Variants in DENND6A observed in about 807,000 individuals in gnomAD.
The protein encoded by DENND6A is protein DENND6A.
In DENND6A, 43 loss-of-function variants were observed where a neutral mutation model predicts 95.5. The observed-to-expected ratio is 0.45, with a 90% CI of 0.35 to 0.58. The LOEUF (loss-of-function observed/expected upper bound fraction) is 0.58, where lower values mean the gene tolerates loss of function less well. Among genes scored for constraint, DENND6A ranks in the 20% least tolerant of loss-of-function variants. The probability of loss-of-function intolerance (pLI) is 0.00; values close to 1 mark genes in which losing one functional copy is unlikely to be tolerated. For missense variants in DENND6A, 574 were observed against 736.0 expected, an observed-to-expected ratio of 0.78 and a Z score of 2.55; for synonymous variants, 257 against 260.4, an observed-to-expected ratio of 0.99 and a Z score of 0.13.
At chr3:57,639,905 A>G (rs1278471688) in intron 12 of DENND6A, among the ~76,000 whole-genome samples, 1 of 152,200 alleles carries the variant, frequency 6.6e-6, no homozygotes, top group East Asian at 1.9e-4. Context: ...ACCAGAAGGA[A>G]TATCTTGTAA....
chr3:57,641,822 CT>C lies in DENND6A; in HGVS notation c.1038-76del, dbSNP rs1033659966. 4.6e-4 allele frequency: 554 copies of C among 1,210,060 alleles called. 1 individual carries two copies. Among genetic ancestry groups the C allele is most frequent in the South Asian group, 8.6e-4 (62 of 71,984 alleles). The allele number at this position is 1,210,060 out of a possible 1,614,324, so 75.0% of individuals were successfully genotyped here. A position where few individuals can be genotyped will look rare whatever the true frequency, so the allele number is the denominator to read the frequency against. On this transcript the variant is annotated intron_variant, in intron 11 of 19. Transcript: ENST00000311128. The stretch of plus-strand genomic sequence containing the variant: ...TGCTAAATCAGTGAAGAATAGTTTA[CT>C]TTTTTTTTCAATGAACAATACACAG...
intron 6 of DENND6A, among the ~76,000 whole-genome samples, 181 bp from the exon 7 acceptor site, chr3:57,661,020 T>C (rs1173410407): frequency 6.6e-6 from 1 of 152,146 alleles, no homozygotes; most frequent in African/African-American, 2.4e-5. Flanking sequence ...CACTCAGAAA[T>C]ACACATGTTC....
intron 7 of DENND6A, 101 bp from the exon 8 acceptor site, chr3:57,659,281 G>C (rs2071382284): frequency 4.0e-6 from 5 of 1,258,458 alleles, no homozygotes; most frequent in Non-Finnish European, 5.7e-6. Flanking sequence ...TGCCAAAAAA[G>C]CTACAAAAAC....
Position 57,672,238 on chromosome 3 carries a change from T to C in DENND6A, c.319+18A>G, listed in dbSNP as rs370394593. 4 of 1,597,710 alleles carry C rather than the reference T, an allele frequency of 2.5e-6. No individual in the cohort carries two copies. The South Asian group carries it at 3.4e-5, about 14-fold the overall frequency. The stretch of plus-strand genomic sequence containing the variant: ...TTAGTATAAAATTAAACAGAAACAC[T>C]GTATGAAAAACAGTTACCTGAATTT... On this transcript the variant is annotated intron_variant, in intron 3 of 19. Transcript: ENST00000311128.
At chr3:57,655,398 T>C (rs2071304695) in intron 9 of DENND6A, among the ~76,000 whole-genome samples, 1 of 152,214 alleles carries the variant, frequency 6.6e-6, no homozygotes, top group Admixed American at 6.5e-5. Flanking sequence ...ATGTAATTCA[T>C]ATCCAGGAGA....
intron 9 of DENND6A, among the ~76,000 whole-genome samples, chr3:57,651,991 A>G (rs2071219199): frequency 6.6e-6 from 1 of 152,152 alleles, no homozygotes; most frequent in African/African-American, 2.4e-5. Context: ...TTGAGGCAAG[A>G]GTTTAAGACT....
At chr3:57,646,270 C>G in intron 10 of DENND6A, 46 bp downstream of exon 10, 1 of 1,581,426 alleles carries the variant, frequency 6.3e-7, no homozygotes, top group Non-Finnish European at 8.6e-7. Context: ...TTAAGTACTG[C>G]AGCATCCAAA....
At chr3:57,678,020 A>T (rs1269982106) in intron 1 of DENND6A, among the ~76,000 whole-genome samples, 4 of 152,158 alleles carry the variant, frequency 2.6e-5, no homozygotes, top group Non-Finnish European at 5.9e-5. Context: ...TTTTTGTCAA[A>T]ATCACTAACT....
Position 57,659,022 on chromosome 3 carries a change from T to C in DENND6A, c.762+96A>G, listed in dbSNP as rs1289978864. On this transcript the variant is annotated intron_variant, in intron 8 of 19. Transcript: ENST00000311128. ...GACATTTCAGTAATATTCAGAAATA[T>C]GTAATAAACTCAAGAAACTCTGCAT... 70 of 1,100,424 alleles carry C rather than the reference T, an allele frequency of 6.4e-5. No individual in the cohort carries two copies. In the African/African-American group the frequency reaches 9.1e-4, roughly 14 times the overall value. The allele number at this position is 1,100,424 out of a possible 1,614,324, so 68.2% of individuals were successfully genotyped here.
intron 11 of DENND6A, among the ~76,000 whole-genome samples, chr3:57,642,013 G>A (rs9829851): frequency 0.39 from 58,687 of 151,958 alleles, 12,666 homozygotes; most frequent in South Asian, 0.56. Context: ...AGTGAAGGTG[G>A]TTTAAAATGC....
At chr3:57,672,603 C>T (rs1460742268) in intron 1 of DENND6A, among the ~76,000 whole-genome samples, 165 bp from the exon 2 acceptor site, 15 of 152,020 alleles carry the variant, frequency 9.9e-5, no homozygotes, top group African/African-American at 3.4e-4. Context: ...GCCAACATGC[C>T]GAAACCCCGT....
intron 1 of DENND6A, among the ~76,000 whole-genome samples, chr3:57,683,799 A>G (rs1392356386): frequency 1.3e-5 from 2 of 152,182 alleles, no homozygotes; most frequent in Non-Finnish European, 2.9e-5. Context: ...AATCAAAAGG[A>G]CCAGGGTTCA....
At chr3:57,662,431 A>T (rs1336186768) in intron 5 of DENND6A, among the ~76,000 whole-genome samples, 1 of 151,524 alleles carries the variant, frequency 6.6e-6, no homozygotes, top group Non-Finnish European at 1.5e-5. Flanking sequence ...TCAAACTCCT[A>T]GACTTAAGCA....
At chr3:57,687,553 G>C (rs577112061) in intron 1 of DENND6A, among the ~76,000 whole-genome samples, 2 of 152,180 alleles carry the variant, frequency 1.3e-5, no homozygotes, top group Admixed American at 1.3e-4. Context: ...TTTCATTGTA[G>C]ATGAAATAGC....
chr3:57,654,364 G>C (rs2071279722), intron 9 of DENND6A, among the ~76,000 whole-genome samples: 1 of 152,120 alleles, frequency 6.6e-6, no homozygotes, highest in Non-Finnish European at 1.5e-5. Flanking sequence ...GTGTCAGATA[G>C]CATCAGATAC....
At chr3:57,638,444 G>C (rs1029885357) in intron 12 of DENND6A, among the ~76,000 whole-genome samples, 2 of 151,744 alleles carry the variant, frequency 1.3e-5, no homozygotes, top group Non-Finnish European at 2.9e-5. Context: ...GATCACCTGA[G>C]GTCAGGAGTT....
intron 12 of DENND6A, among the ~76,000 whole-genome samples, chr3:57,637,914 T>A (rs2070834225): frequency 6.6e-6 from 1 of 151,838 alleles, no homozygotes; most frequent in South Asian, 2.1e-4. Context: ...GGTGAGTGGA[T>A]CACGAGGTCA....
rs768219007 is a variant in DENND6A, at chr3:57,628,895, A to AT, written c.1621-11dup. On this transcript the variant is annotated splice_polypyrimidine_tract_variant and intron_variant, in intron 18 of 19. Coordinates refer to ENST00000311128, the MANE Select transcript of DENND6A (RefSeq NM_152678.3). ...TCCAGAGAAGTAAGTCCTAGAATAA[A>AT]TAAAGTCCCAAATCAGTAAGTTCTC... is the stretch of plus-strand genomic sequence containing the variant. The AT allele has an allele frequency of 6.2e-7, 1 of 1,608,484 alleles. No homozygotes were observed. The highest frequency in any genetic ancestry group is 1.1e-5 in the South Asian group (1 of 89,998).
intron 1 of DENND6A, among the ~76,000 whole-genome samples, chr3:57,689,357 G>A (rs1029239978): frequency 6.6e-6 from 1 of 151,762 alleles, no homozygotes; most frequent in Non-Finnish European, 1.5e-5. Flanking sequence ...TTCTGTATTC[G>A]GATAATTAAG....
Sources: allele counts gnomAD v4.1 joint callset (sites outside exome capture counted in the v4.1 genomes callset), GRCh38; gene constraint gnomAD v4.1.1; transcripts MANE v1.5; gene names NCBI Gene and HGNC (gene_info 2026-07-23, HGNC 2026-07-21).